DLGAP1: variants seen among roughly 807,000 people sequenced by gnomAD.
DLGAP1 encodes the protein DLG associated protein 1.
Under a neutral mutation model 90.8 loss-of-function variants are expected in DLGAP1, and 11 were observed. That is an observed-to-expected ratio of 0.12 (90% confidence interval 0.08 to 0.20). DLGAP1 has a LOEUF of 0.20. DLGAP1 is among the 10% of genes least tolerant of loss of function. The probability of loss-of-function intolerance (pLI) is 1.00; values close to 1 mark genes in which losing one functional copy is unlikely to be tolerated. For missense variants in DLGAP1, 1,050 were observed against 1,333.8 expected (o/e 0.79, Z 3.31); for synonymous variants, 558 against 540.7 (o/e 1.03, Z -0.44).
intron 1 of DLGAP1, among the ~76,000 whole-genome samples, chr18:4,346,411 C>T (rs905397432): frequency 2.0e-5 from 3 of 152,014 alleles, no homozygotes; most frequent in Admixed American, 6.6e-5. Flanking sequence ...TAACAATGCT[C>T]AATAAAGAGT....
intron 1 of DLGAP1, among the ~76,000 whole-genome samples, chr18:4,229,787 G>C (rs1482836784): frequency 6.6e-6 from 1 of 151,920 alleles, no homozygotes; most frequent in East Asian, 1.9e-4. Flanking sequence ...AAGCCAAAGT[G>C]GACAGATGGG....
At chr18:3,884,487 T>C (rs565063446) in intron 3 of DLGAP1, among the ~76,000 whole-genome samples, 1 of 152,210 alleles carries the variant, frequency 6.6e-6, no homozygotes, top group Non-Finnish European at 1.5e-5. Flanking sequence ...AAACATGAAT[T>C]ATACATGTTT....
chr18:3,749,344 G>C (rs1223411035), intron 5 of DLGAP1, among the ~76,000 whole-genome samples: 1 of 151,526 alleles, frequency 6.6e-6, no homozygotes, highest in Non-Finnish European at 1.5e-5. Flanking sequence ...TAGAGAGGGG[G>C]GTTTCACCAT....
At chr18:4,272,865 C>A (rs1013607168) in intron 1 of DLGAP1, among the ~76,000 whole-genome samples, 1 of 152,142 alleles carries the variant, frequency 6.6e-6, no homozygotes, top group Non-Finnish European at 1.5e-5. Flanking sequence ...CTACATCCAA[C>A]GACAGGTATC....
chr18:4,069,503 G>T (rs2075416550), intron 2 of DLGAP1, among the ~76,000 whole-genome samples: 1 of 152,098 alleles, frequency 6.6e-6, no homozygotes, highest in South Asian at 2.1e-4. Flanking sequence ...TGAATGGTTT[G>T]GCACCATCCC....
chr18:3,720,567 G>A (rs947419143), intron 7 of DLGAP1, among the ~76,000 whole-genome samples: 3 of 152,080 alleles, frequency 2.0e-5, no homozygotes, highest in African/African-American at 7.2e-5. Flanking sequence ...TTCAGGTCTT[G>A]GATTTACCAC....
chr18:3,600,033 C>T (rs992453781), intron 7 of DLGAP1, among the ~76,000 whole-genome samples: 2 of 151,988 alleles, frequency 1.3e-5, no homozygotes, highest in African/African-American at 4.8e-5. Context: ...GAACCTCCCA[C>T]TTTAGCCTCC....
intron 3 of DLGAP1, among the ~76,000 whole-genome samples, chr18:3,945,188 G>A (rs191081726): frequency 1.3e-5 from 2 of 152,286 alleles, no homozygotes; most frequent in East Asian, 3.9e-4. Flanking sequence ...AGGTTGATGT[G>A]AGGATTTAAA....
At chr18:4,145,817 CTTTA>C (rs1355129311) in intron 2 of DLGAP1, among the ~76,000 whole-genome samples, 1 of 152,116 alleles carries the variant, frequency 6.6e-6, no homozygotes, top group African/African-American at 2.4e-5. Flanking sequence ...CTTGAAGAAT[CTTTA>C]TTTTAGTTTC....
Position 3,596,941 on chromosome 18 carries a change from G to A in DLGAP1, c.1592-14693C>T, listed in dbSNP as rs368166196. On this transcript the variant is annotated intron_variant, in intron 7 of 12. Transcript: ENST00000315677. Reference sequence around the variant, plus strand: ...AATCTACCATTCTCTGACACCAGCTGGTCCCCTGGGTCGTCCACCCGATGT... The same window carrying A: ...AATCTACCATTCTCTGACACCAGCTAGTCCCCTGGGTCGTCCACCCGATGT... 2.3e-5 allele frequency: 12 copies of A among 519,892 alleles called. No homozygotes were observed. In the African/African-American group the frequency reaches 2.3e-4, roughly 10 times the overall value. The allele number at this position is 519,892 out of a possible 1,614,324, so 32.2% of individuals were successfully genotyped here.
intron 1 of DLGAP1, among the ~76,000 whole-genome samples, chr18:4,440,047 G>A (rs2083494289): frequency 6.8e-6 from 1 of 146,340 alleles, no homozygotes; most frequent in Admixed American, 6.9e-5. Context: ...GTGAACCCGG[G>A]AGGCAGAGCT....
At chr18:3,671,058 A>G (rs1382132004) in intron 7 of DLGAP1, among the ~76,000 whole-genome samples, 1 of 151,860 alleles carries the variant, frequency 6.6e-6, no homozygotes, top group African/African-American at 2.4e-5. Flanking sequence ...GATCACTCCC[A>G]TCCCTTCTTT....
intron 10 of DLGAP1, among the ~76,000 whole-genome samples, chr18:3,532,773 TTAA>T (rs1216533921): frequency 6.6e-6 from 1 of 152,152 alleles, no homozygotes; most frequent in Non-Finnish European, 1.5e-5. Flanking sequence ...CACCATTAAT[TTAA>T]TAATAATGTT....
intron 1 of DLGAP1, among the ~76,000 whole-genome samples, chr18:4,193,401 T>C (rs949423029): frequency 6.6e-6 from 1 of 152,060 alleles, no homozygotes; most frequent in South Asian, 2.1e-4. Context: ...CCCATCCAAA[T>C]AGAACGGCCT....
chr18:4,025,811 G>A (rs553214293), intron 2 of DLGAP1, among the ~76,000 whole-genome samples: 4 of 152,086 alleles, frequency 2.6e-5, no homozygotes, highest in Non-Finnish European at 2.9e-5. Context: ...TTACATGACT[G>A]CTAAGGGATT....
intron 5 of DLGAP1, among the ~76,000 whole-genome samples, chr18:3,772,673 A>T (rs1276483999): frequency 6.6e-6 from 1 of 151,786 alleles, no homozygotes; most frequent in Admixed American, 6.6e-5. Flanking sequence ...CCACCCCAGA[A>T]CAATTAATTT....
At chr18:3,808,024 G>C (rs1046987025) in intron 5 of DLGAP1, among the ~76,000 whole-genome samples, 1 of 152,310 alleles carries the variant, frequency 6.6e-6, no homozygotes, top group Non-Finnish European at 1.5e-5. Context: ...ATTTGGAGGA[G>C]GGCATTCATA....
intron 2 of DLGAP1, among the ~76,000 whole-genome samples, chr18:4,075,321 T>C (rs187474042): frequency 6.6e-6 from 1 of 152,206 alleles, no homozygotes; most frequent in Admixed American, 6.5e-5. Context: ...TGGGTCAACC[T>C]TTCTCTACAG....
chr18:4,353,927 C>G (rs1171490640), intron 1 of DLGAP1, among the ~76,000 whole-genome samples: 1 of 152,092 alleles, frequency 6.6e-6, no homozygotes, highest in Non-Finnish European at 1.5e-5. Flanking sequence ...CTGTGAGCTA[C>G]TGTAAATTTA....
Sources: allele counts gnomAD v4.1 joint callset (sites outside exome capture counted in the v4.1 genomes callset), GRCh38; gene constraint gnomAD v4.1.1; transcripts MANE v1.5; gene names NCBI Gene and HGNC (gene_info 2026-07-23, HGNC 2026-07-21).